The following TBCA variants were observed in gnomAD, a reference collection of about 807,000 sequenced individuals.
TBCA encodes tubulin folding cofactor A.
A neutral mutation model predicts 15.8 loss-of-function variants in TBCA; 6 were observed. That is an observed-to-expected ratio of 0.38 (90% CI 0.21 to 0.75). The LOEUF is 0.75. Ranked by LOEUF, TBCA falls within the 30% of genes least tolerant of loss-of-function variation. The pLI is 0.46. For missense variants in TBCA, 90 were observed against 131.2 expected (o/e 0.69, Z 1.53); for synonymous variants, 32 against 42.3 (o/e 0.76, Z 0.94).
rs1745939300 is a variant in TBCA, at chr5:77,699,033, C to CTCA, written c.160-5682_160-5681insTGA. Among the ~76,000 whole-genome samples the CTCA allele has an allele frequency of 2.9e-5, 2 of 70,100 alleles. 1 individual carries two copies. Among genetic ancestry groups the CTCA allele is most frequent in the Non-Finnish European group, 4.9e-5 (2 of 41,060 alleles). The allele number at this position is 70,100 out of a possible 152,430, so 46.0% of individuals were successfully genotyped here. ...AAAACAATACCATTTGCAAGAGCAT[C>CTCA]AAAAAAAAAAAAAAAAAAAAAAAAA... On this transcript the variant is annotated intron_variant, in intron 2 of 3. Transcript: ENST00000380377.
At chr5:77,737,285 A>G (rs1746931002) in intron 1 of TBCA, among the ~76,000 whole-genome samples, 2 of 152,218 alleles carry the variant, frequency 1.3e-5, no homozygotes, top group South Asian at 4.1e-4. Context: ...AAACAAAAAA[A>G]CAGGCAGCGC....
intron 1 of TBCA, among the ~76,000 whole-genome samples, chr5:77,767,340 A>G (rs532659646): frequency 9.2e-5 from 14 of 152,284 alleles, no homozygotes; most frequent in Non-Finnish European, 1.6e-4. Flanking sequence ...GTGGAAGTGA[A>G]AGGATCTCAA....
At chr5:77,733,444 C>T (rs375312752) in intron 1 of TBCA, among the ~76,000 whole-genome samples, 2 of 152,150 alleles carry the variant, frequency 1.3e-5, no homozygotes, top group African/African-American at 4.8e-5. Flanking sequence ...AGTGAACACA[C>T]GAATGATAAT....
At chr5:77,706,259 A>G (rs949719271) in intron 2 of TBCA, among the ~76,000 whole-genome samples, 14 of 152,210 alleles carry the variant, frequency 9.2e-5, no homozygotes, top group African/African-American at 3.4e-4. Flanking sequence ...GCTGGTTCAC[A>G]TTCTCCTTTT....
intron 1 of TBCA, among the ~76,000 whole-genome samples, chr5:77,717,648 G>A (rs1000862564): frequency 8.6e-5 from 13 of 151,758 alleles, no homozygotes; most frequent in African/African-American, 3.1e-4. Flanking sequence ...TGACCAACAT[G>A]GTAAAACCCC....
At chr5:77,699,572 T>C (rs1186909314) in intron 2 of TBCA, among the ~76,000 whole-genome samples, 1 of 152,098 alleles carries the variant, frequency 6.6e-6, no homozygotes, top group East Asian at 1.9e-4. Context: ...ACACTTTATA[T>C]AAAAATTACC....
At chr5:77,775,202 CTGTG>C (rs1161124806) in intron 1 of TBCA, among the ~76,000 whole-genome samples, 9 of 152,320 alleles carry the variant, frequency 5.9e-5, no homozygotes, top group African/African-American at 2.2e-4. Context: ...CTCTGCCCTA[CTGTG>C]TATGTAAAAT....
At chr5:77,719,530 G>C (rs1746481854) in intron 1 of TBCA, among the ~76,000 whole-genome samples, 1 of 152,126 alleles carries the variant, frequency 6.6e-6, no homozygotes. Flanking sequence ...TTACCTTATA[G>C]TTTCTCAGTA....
intron 1 of TBCA, among the ~76,000 whole-genome samples, chr5:77,739,415 C>T (rs775296550): frequency 4.6e-5 from 7 of 152,150 alleles, no homozygotes; most frequent in African/African-American, 7.2e-5. Flanking sequence ...GAGCCAAGAT[C>T]GCACCACTGC....
intron 2 of TBCA, among the ~76,000 whole-genome samples, chr5:77,695,891 A>G (rs1359418451): frequency 6.6e-6 from 1 of 152,186 alleles, no homozygotes; most frequent in Non-Finnish European, 1.5e-5. Flanking sequence ...AAAACAAGTT[A>G]TGGTTTTATA....
At chr5:77,767,474 G>T (rs1747806191) in intron 1 of TBCA, among the ~76,000 whole-genome samples, 1 of 152,120 alleles carries the variant, frequency 6.6e-6, no homozygotes, top group Non-Finnish European at 1.5e-5. Context: ...TGAAATTAGG[G>T]TTCTCCAAAA....
Position 77,691,168 on chromosome 5 carries a change from C to T in TBCA, c.*250G>A. ...GAATAGAACCTAACAGATTATAGTT[C>T]TCTGTCATAAAGTCTATGTGGTTTA... On this transcript the variant is annotated 3_prime_UTR_variant, in exon 4 of 4. Coordinates refer to ENST00000380377, the MANE Select transcript of TBCA (RefSeq NM_004607.3). 2.4e-6 allele frequency: 1 copy of T among 414,040 alleles called. No individual in the cohort carries two copies. The highest frequency in any genetic ancestry group is 4.3e-6 in the Non-Finnish European group (1 of 230,724). 25.6% of individuals were successfully genotyped at this position (414,040 alleles called of 1,614,324 possible).
intron 1 of TBCA, among the ~76,000 whole-genome samples, chr5:77,743,790 T>G (rs914993798): frequency 6.6e-6 from 1 of 152,194 alleles, no homozygotes; most frequent in Non-Finnish European, 1.5e-5. Flanking sequence ...TCTGGGAGTT[T>G]TCACATCTAT....
chr5:77,744,531 C>CTT (rs70991305), intron 1 of TBCA, among the ~76,000 whole-genome samples: 6,688 of 82,726 alleles, frequency 0.081, 732 homozygotes, highest in African/African-American at 0.15. Context: ...TCTTATTCAC[C>CTT]TTTTTTTTTT....
At position 77,691,448 on chromosome 5, in the gene TBCA, T is replaced by C. The variant is rs1400413577; in HGVS notation, c.297A>G (p.Leu99=). Residue 99 remains leucine, a synonymous_variant, in exon 4 of 4, where the codon TTA becomes TTG. Coordinates refer to ENST00000380377, the MANE Select transcript of TBCA (RefSeq NM_004607.3). ...CTTCTAACTTCACTGAATCCAGTAC[T>C]AAACGTGCTTCTTTATATTCCTCAG... ...EEAEEYKEAR[L]VLDSVKLEA 6.3e-7 allele frequency: 1 copy of C among 1,597,280 alleles called. No individual in the cohort carries two copies. Among genetic ancestry groups the C allele is most frequent in the African/African-American group, 1.4e-5 (1 of 73,886 alleles).
At chr5:77,695,096 A>C (rs1745844396) in intron 2 of TBCA, among the ~76,000 whole-genome samples, 1 of 152,230 alleles carries the variant, frequency 6.6e-6, no homozygotes, top group Non-Finnish European at 1.5e-5. Flanking sequence ...GGAATTAAAC[A>C]AGATGAAATG....
intron 1 of TBCA, among the ~76,000 whole-genome samples, chr5:77,728,217 C>T (rs1428869940): frequency 1.3e-5 from 2 of 152,016 alleles, no homozygotes; most frequent in African/African-American, 2.4e-5. Flanking sequence ...TAGCAGGCAC[C>T]TCTACCTAAA....
chr5:77,691,972 T>C (rs1256864862), intron 3 of TBCA: 1 of 986,378 alleles, frequency 1.0e-6, no homozygotes, highest in Non-Finnish European at 1.2e-6. Flanking sequence ...ATTAAACAAA[T>C]GAATTGCCTG....
chr5:77,707,179 A>G (rs941909091), intron 2 of TBCA, among the ~76,000 whole-genome samples: 4 of 152,172 alleles, frequency 2.6e-5, no homozygotes, highest in African/African-American at 9.6e-5. Flanking sequence ...GCTAGGGCAC[A>G]TAGTCCACTC....
Sources: allele counts gnomAD v4.1 joint callset (sites outside exome capture counted in the v4.1 genomes callset), GRCh38; gene constraint gnomAD v4.1.1; transcripts MANE v1.5; gene names NCBI Gene and HGNC (gene_info 2026-07-23, HGNC 2026-07-21).